The following HPSE2 variants were observed in gnomAD, a reference collection of about 807,000 sequenced individuals.
HPSE2 encodes heparanase 2 (inactive), also known as inactive heparanase-2.
Under a neutral mutation model 60.5 loss-of-function variants are expected in HPSE2, and 38 were observed. That is an observed-to-expected ratio of 0.63 (90% CI 0.48 to 0.82). The LOEUF (loss-of-function observed/expected upper bound fraction) is 0.82, where lower values mean the gene tolerates loss of function less well. HPSE2 is among the 40% of genes least tolerant of loss of function. HPSE2 has a pLI of 0.00. For synonymous variants in HPSE2, 295 were observed against 293.2 expected, an observed-to-expected ratio of 1.01 and a Z score of -0.06; for missense variants, 713 against 740.4, an observed-to-expected ratio of 0.96 and a Z score of 0.43.
At chr10:99,301,740 G>A in the HPSE2 span, among the ~76,000 whole-genome samples, 1 of 152,060 alleles carries the variant, frequency 6.6e-6, no homozygotes, top group African/African-American at 2.4e-5. Flanking sequence ...CACTCTACTG[G>A]TAGAAGAAGC....
At chr10:98,763,781 G>GAA (rs56892977) in intron 3 of HPSE2, among the ~76,000 whole-genome samples, 3 of 140,586 alleles carry the variant, frequency 2.1e-5, no homozygotes, top group African/African-American at 2.6e-5. Flanking sequence ...ATTTTCAGAT[G>GAA]AAAAAAAAAA....
intron 9 of HPSE2, among the ~76,000 whole-genome samples, chr10:98,544,814 C>A (rs186970656): frequency 0.047 from 6,964 of 149,554 alleles, 170 homozygotes; most frequent in South Asian, 0.084. Context: ...CAGAGCAGAA[C>A]TGAAGGAAAT....
intron 3 of HPSE2, among the ~76,000 whole-genome samples, chr10:98,953,098 G>T (rs974558863): frequency 6.6e-6 from 1 of 152,080 alleles, no homozygotes; most frequent in Non-Finnish European, 1.5e-5. Flanking sequence ...TTGCATAGTT[G>T]AAAAAAGATG....
intron 9 of HPSE2, among the ~76,000 whole-genome samples, chr10:98,528,940 C>T (rs75374900): frequency 0.032 from 4,846 of 152,344 alleles, 146 homozygotes; most frequent in African/African-American, 0.083. Flanking sequence ...CAGAGACTTG[C>T]ACAGTGGGAA....
Position 99,118,086 on chromosome 10 carries a change from T to C in HPSE2, c.610+26152A>G, listed in dbSNP as rs547335458. 2.0e-5 allele frequency among the ~76,000 whole-genome samples: 3 copies of C among 152,118 alleles called. No individual in the cohort carries two copies. The East Asian group carries it at 5.8e-4, about 29-fold the overall frequency. On this transcript the variant is annotated intron_variant, in intron 3 of 11. Coordinates refer to ENST00000370552, the MANE Select transcript of HPSE2 (RefSeq NM_021828.5). ...TCTGGGATGCAAGGTTGGTTCAACA[T>C]ATGCAAATCAATAGATGTGATCCAT... is the stretch of plus-strand genomic sequence containing the variant.
At chr10:98,969,889 T>C (rs1955906769) in intron 3 of HPSE2, among the ~76,000 whole-genome samples, 1 of 151,840 alleles carries the variant, frequency 6.6e-6, no homozygotes, top group African/African-American at 2.4e-5. Flanking sequence ...TTTCCAATCA[T>C]GGGAGAAGGT....
chr10:98,500,799 G>T (rs182949843), intron 9 of HPSE2, among the ~76,000 whole-genome samples: 149 of 151,992 alleles, frequency 9.8e-4, no homozygotes, highest in Non-Finnish European at 1.6e-3. Context: ...AAGAAAAGAA[G>T]AAAAGAAGAT....
chr10:99,188,058 C>A (rs528334210), intron 2 of HPSE2, among the ~76,000 whole-genome samples: 5 of 152,306 alleles, frequency 3.3e-5, no homozygotes, highest in African/African-American at 1.2e-4. Context: ...GCAAGGCCAA[C>A]TACAGGACAT....
chr10:99,199,418 T>C (rs904646930), intron 2 of HPSE2, among the ~76,000 whole-genome samples: 3 of 151,986 alleles, frequency 2.0e-5, no homozygotes, highest in Non-Finnish European at 4.4e-5. Flanking sequence ...TGATTAGTGA[T>C]ACTGAGTCTT....
chr10:99,098,839 T>C (rs1021408886), intron 3 of HPSE2, among the ~76,000 whole-genome samples: 14 of 152,218 alleles, frequency 9.2e-5, no homozygotes, highest in Non-Finnish European at 1.5e-5. Flanking sequence ...CCAACAATTT[T>C]TGAACCTGCA....
chr10:98,566,627 G>C (rs953634518), intron 9 of HPSE2, among the ~76,000 whole-genome samples: 1 of 152,238 alleles, frequency 6.6e-6, no homozygotes, highest in Non-Finnish European at 1.5e-5. Flanking sequence ...TTTGTGCGAA[G>C]GCAGCACAAC....
intron 3 of HPSE2, among the ~76,000 whole-genome samples, chr10:98,747,085 A>T (rs1439092961): frequency 1.3e-5 from 2 of 152,082 alleles, no homozygotes; most frequent in Non-Finnish European, 2.9e-5. Flanking sequence ...TACTCAAAAA[A>T]TAATTTGAGT....
the HPSE2 span, among the ~76,000 whole-genome samples, chr10:99,298,669 CT>C: frequency 0.85 from 122,062 of 144,048 alleles, 51,881 homozygotes; most frequent in African/African-American, 0.91. Context: ...TATGTATAGG[CT>C]TTTTTTTTTT....
chr10:98,707,384 C>A (rs543499338), intron 5 of HPSE2, among the ~76,000 whole-genome samples: 21 of 152,242 alleles, frequency 1.4e-4, no homozygotes, highest in African/African-American at 4.3e-4. Context: ...CAATTCAGAA[C>A]ATTTCTAATT....
At chr10:99,050,194 TGGGAG>T (rs1337095051) in intron 3 of HPSE2, among the ~76,000 whole-genome samples, 1 of 151,934 alleles carries the variant, frequency 6.6e-6, no homozygotes, top group Non-Finnish European at 1.5e-5. Flanking sequence ...CCCAGTTACT[TGGGAG>T]GCTGAAGTGA....
intron 10 of HPSE2, among the ~76,000 whole-genome samples, chr10:98,484,386 C>A (rs757504064): frequency 6.6e-6 from 1 of 152,166 alleles, no homozygotes; most frequent in Admixed American, 6.5e-5. Context: ...TACAGGCGTG[C>A]GCCACCACGC....
At chr10:98,689,567 T>G (rs1948020093) in intron 6 of HPSE2, among the ~76,000 whole-genome samples, 1 of 152,218 alleles carries the variant, frequency 6.6e-6, no homozygotes, top group African/African-American at 2.4e-5. Context: ...CCTTGTCAGC[T>G]AATTCTAATA....
At position 98,542,036 on chromosome 10, in the gene HPSE2, CTGA is replaced by C. The variant is rs1371857031; in HGVS notation, c.1321-51843_1321-51841del. On this transcript the variant is annotated intron_variant, in intron 9 of 11. Transcript: ENST00000370552. ...GCCTCCTCAAGTGGGTCCCTGACCC[CTGA>C]CCCCTGACCCCCAAGCAGCCTAACT... Among the ~76,000 whole-genome samples, 660 of 148,650 alleles carry C rather than the reference CTGA, an allele frequency of 4.4e-3. 7 individuals carry two copies. Among genetic ancestry groups the C allele is most frequent in the African/African-American group, 0.015 (621 of 40,968 alleles).
rs537975160 is a variant in HPSE2, at chr10:98,774,128, A to T, written c.611-30072T>A. Among the ~76,000 whole-genome samples the T allele has an allele frequency of 2.0e-5, 3 of 152,314 alleles. No individual in the cohort carries two copies. The South Asian group carries it at 6.2e-4, about 32-fold the overall frequency. ...ACTTTTGGATAAATATATATACTTAAAACATATTTTCATATGTCTGTAAAT... is the reference window on the plus strand; with the variant it reads ...ACTTTTGGATAAATATATATACTTATAACATATTTTCATATGTCTGTAAAT... On this transcript the variant is annotated intron_variant, in intron 3 of 11. Coordinates refer to ENST00000370552, the MANE Select transcript of HPSE2 (RefSeq NM_021828.5).
Sources: gnomAD v4.1 joint callset for allele counts (sites outside exome capture counted in the v4.1 genomes callset) on GRCh38, gnomAD v4.1.1 for gene constraint, MANE v1.5 for transcripts, NCBI Gene and HGNC (gene_info 2026-07-23, HGNC 2026-07-21) for gene names.